Variants in CD34 observed in about 807,000 individuals in gnomAD.
The protein encoded by CD34 is CD34 molecule.
A neutral mutation model predicts 40.1 loss-of-function variants in CD34; 34 were observed. The observed-to-expected ratio is 0.85, with a 90% CI of 0.65 to 1.13. The LOEUF is 1.13. CD34 is among the 50% of genes most tolerant of loss of function. The pLI is 0.00. For missense variants in CD34, 426 were observed against 466.9 expected (o/e 0.91, Z 0.81); for synonymous variants, 209 against 190.0 (o/e 1.10, Z -0.82).
Position 207,888,718 on chromosome 1 carries a change from C to T in CD34, c.936G>A (p.Met312Ile), listed in dbSNP as rs777117210. Reference protein sequence around the residue: ...AVLGITGYFLMNRRSWSPTGE... With the variant: ...AVLGITGYFLINRRSWSPTGE... ...CTGTGGGGCTCCAGCTGCGGCGATT[C>T]ATCAGGAAATAGCCAGTGATGCCCA... is the stretch of plus-strand genomic sequence containing the variant. Residue 312 changes from methionine (M) to isoleucine (I), a missense_variant, in exon 7 of 8, where the codon ATG becomes ATA. Transcript: ENST00000310833. 9 of 1,614,232 alleles carry T rather than the reference C, an allele frequency of 5.6e-6. No homozygotes were observed. In the East Asian group the frequency reaches 1.8e-4, roughly 32 times the overall value.
At chr1:207,891,379 G>A (rs1311019620) in intron 4 of CD34, among the ~76,000 whole-genome samples, 1 of 152,112 alleles carries the variant, frequency 6.6e-6, no homozygotes, top group African/African-American at 2.4e-5. Context: ...TGCATGTACG[G>A]CAATTAAAAT....
At chr1:207,899,792 C>T in intron 2 of CD34, 29 bp downstream of exon 2, 1 of 1,590,338 alleles carries the variant, frequency 6.3e-7, no homozygotes, top group South Asian at 1.2e-5. Flanking sequence ...CAGCATCTCT[C>T]CGGGATCTGA....
At position 207,881,790 on chromosome 1, in the gene CD34, A is replaced by G. The variant is rs1182474958; in HGVS notation, c.*5948T>C. The stretch of plus-strand genomic sequence containing the variant: ...GTTTTGGAAAATATAATTATTTTTC[A>G]TTAAGAAAAGCATTACTTACATTAT... On this transcript the variant is annotated 3_prime_UTR_variant, in exon 8 of 8. Coordinates refer to ENST00000310833, the MANE Select transcript of CD34 (RefSeq NM_001025109.2). The G allele has an allele frequency of 6.6e-6, 1 of 152,034 alleles. No homozygotes were observed. The highest frequency in any genetic ancestry group is 1.5e-5 in the Non-Finnish European group (1 of 68,022). The allele number at this position is 152,034 out of a possible 1,614,324, so 9.4% of individuals were successfully genotyped here. A position where few individuals can be genotyped will look rare whatever the true frequency, so the allele number is the denominator to read the frequency against.
At chr1:207,904,462 C>T (rs1662338800) in intron 1 of CD34, among the ~76,000 whole-genome samples, 1 of 152,226 alleles carries the variant, frequency 6.6e-6, no homozygotes, top group South Asian at 2.1e-4. Flanking sequence ...AGACAGGCCA[C>T]ATTCAAAGGC....
Position 207,886,687 on chromosome 1 carries a change from A to T in CD34, c.*1051T>A, listed in dbSNP as rs1205404449. 2.0e-5 allele frequency: 3 copies of T among 152,756 alleles called. No homozygotes were observed. The highest frequency in any genetic ancestry group is 7.2e-5 in the African/African-American group (3 of 41,460). 9.5% of individuals were successfully genotyped at this position (152,756 alleles called of 1,614,324 possible). A position where few individuals can be genotyped will look rare whatever the true frequency, so the allele number is the denominator to read the frequency against. The stretch of plus-strand genomic sequence containing the variant: ...TGCTCAACCCCTCTGGAAAGAAATC[A>T]ACAGCAAACAAGGACCTGGGTCACC... On this transcript the variant is annotated 3_prime_UTR_variant, in exon 8 of 8. Transcript: ENST00000310833.
Position 207,889,881 on chromosome 1 carries a change from T to G in CD34, c.598-260A>C, listed in dbSNP as rs1319706623. 1.9e-6 allele frequency: 3 copies of G among 1,547,262 alleles called. No individual in the cohort carries two copies. In the South Asian group the frequency reaches 3.8e-5, roughly 19 times the overall value. ...TGTTAGAGAACAAACTTAAAAAAAT[T>G]GTCTCGTTGAAGCATTGCCCATGTA... On this transcript the variant is annotated intron_variant, in intron 4 of 7. Coordinates refer to ENST00000310833, the MANE Select transcript of CD34 (RefSeq NM_001025109.2).
intron 4 of CD34, chr1:207,890,572 TG>T (rs1662011855): frequency 6.6e-6 from 1 of 152,262 alleles, no homozygotes; most frequent in South Asian, 2.1e-4. Context: ...GAATGGAGCC[TG>T]GGTATTTTCC....
rs1025823728 is a variant in CD34, at chr1:207,881,126, A to C, written c.*6612T>G. 1 of 152,202 alleles carries C rather than the reference A, an allele frequency of 6.6e-6. No individual in the cohort carries two copies. Among genetic ancestry groups the C allele is most frequent in the Non-Finnish European group, 1.5e-5 (1 of 68,026 alleles). 9.4% of individuals were successfully genotyped at this position (152,202 alleles called of 1,614,324 possible). The stretch of plus-strand genomic sequence containing the variant: ...TTACAAGTGCTCAGCAGCCACATGT[A>C]CTTAGATGCTACTGAAATAGTAACA... On this transcript the variant is annotated 3_prime_UTR_variant, in exon 8 of 8. Coordinates refer to ENST00000310833, the MANE Select transcript of CD34 (RefSeq NM_001025109.2).
At chr1:207,906,350 C>A (rs1441415700) in intron 1 of CD34, among the ~76,000 whole-genome samples, 2 of 152,196 alleles carry the variant, frequency 1.3e-5, no homozygotes, top group Admixed American at 1.3e-4. Context: ...ATGCTTCCTG[C>A]AAACACTCAG....
Position 207,884,837 on chromosome 1 carries a change from C to G in CD34, c.*2901G>C, listed in dbSNP as rs1661867255. 1 of 152,180 alleles carries G rather than the reference C, an allele frequency of 6.6e-6. No homozygotes were observed. Among genetic ancestry groups the G allele is most frequent in the South Asian group, 2.1e-4 (1 of 4,828 alleles). 9.4% of individuals were successfully genotyped at this position (152,180 alleles called of 1,614,324 possible). On this transcript the variant is annotated 3_prime_UTR_variant, in exon 8 of 8. Transcript: ENST00000310833. ...TGGGGCTCCTCCAGGACCTGCTTGG[C>G]TGGCCAGGCCTAGGATAGCTTATGT...
At chr1:207,898,043 ATTTATTT>A in intron 3 of CD34, among the ~76,000 whole-genome samples, 1 of 149,576 alleles carries the variant, frequency 6.7e-6, no homozygotes, top group Non-Finnish European at 1.5e-5. Context: ...TTATTTATTT[ATTTATTT>A]ATTTATTTAT....
chr1:207,910,345 C>CCT (rs1308297654), intron 1 of CD34, among the ~76,000 whole-genome samples: 1 of 152,188 alleles, frequency 6.6e-6, no homozygotes, highest in African/African-American at 2.4e-5. Flanking sequence ...ACTTCTACCT[C>CCT]CTCCGCGGTG....
rs760246152 is a variant in CD34 at position 207,889,227 on chromosome 1, C to G, written c.755-14G>C. The G allele has an allele frequency of 6.2e-6, 10 of 1,614,008 alleles. No individual in the cohort carries two copies. In the Admixed American group the frequency reaches 1.5e-4, roughly 24 times the overall value. On this transcript the variant is annotated splice_polypyrimidine_tract_variant and intron_variant, in intron 5 of 7. Coordinates refer to ENST00000310833, the MANE Select transcript of CD34 (RefSeq NM_001025109.2). The stretch of plus-strand genomic sequence containing the variant: ...TGCTGGAAATTTCTAGAATTAGAAA[C>G]AAGGGTTGCTAAATCTAAAGAGAAA...
At chr1:207,901,382 G>A (rs1473881665) in intron 1 of CD34, among the ~76,000 whole-genome samples, 3 of 152,252 alleles carry the variant, frequency 2.0e-5, no homozygotes, top group Non-Finnish European at 4.4e-5. Flanking sequence ...ATCCTGCTAA[G>A]GGGAACTGCA....
chr1:207,893,854 C>T (rs1420674121), intron 4 of CD34, among the ~76,000 whole-genome samples: 1 of 152,144 alleles, frequency 6.6e-6, no homozygotes. Flanking sequence ...AAATGCAAAT[C>T]AAAACCACCA....
intron 1 of CD34, among the ~76,000 whole-genome samples, chr1:207,909,482 C>T (rs949010914): frequency 6.6e-6 from 1 of 151,944 alleles, no homozygotes; most frequent in African/African-American, 2.4e-5. Context: ...GATCTTGGCT[C>T]GCTGCAACCT....
In CD34 at chr1:207,888,839, A is replaced by G; in HGVS notation, c.815T>C (p.Ile272Thr). The part of the protein sequence containing the change: ...KHQSDLKKLG[I>T]LDFTEQDVAS... ...AACATCTTGCTCAGTGAAATCTAGG[A>G]TCCCCAGCTTGAAAAGAAGACAAAG... is the stretch of plus-strand genomic sequence containing the variant. The change falls in exon 7 of 8, where the codon ATC becomes ACC. Residue 272 changes from isoleucine to threonine, a missense_variant. Transcript: ENST00000310833. 6.2e-7 allele frequency: 1 copy of G among 1,614,036 alleles called. No homozygotes were observed. Among genetic ancestry groups the G allele is most frequent in the East Asian group, 2.2e-5 (1 of 44,872 alleles).
chr1:207,906,766 C>T lies in CD34; in HGVS notation c.79+4236G>A, dbSNP rs147814788. On this transcript the variant is annotated intron_variant, in intron 1 of 7. Coordinates refer to ENST00000310833, the MANE Select transcript of CD34 (RefSeq NM_001025109.2). Reference sequence around the variant, plus strand: ...GGCTGAGGAAGGAGAACTGCTTGAACCTGGGAGGCAGAGGTTGCGGTGATC... The same window carrying T: ...GGCTGAGGAAGGAGAACTGCTTGAATCTGGGAGGCAGAGGTTGCGGTGATC... Among the ~76,000 whole-genome samples, 256 of 152,196 alleles carry T rather than the reference C, an allele frequency of 1.7e-3. 2 individuals carry two copies. Among genetic ancestry groups the T allele is most frequent in the African/African-American group, 5.8e-3 (240 of 41,496 alleles).
chr1:207,893,627 G>A (rs1054646824), intron 4 of CD34, among the ~76,000 whole-genome samples: 2 of 152,122 alleles, frequency 1.3e-5, no homozygotes, highest in Admixed American at 6.5e-5. Context: ...CTGACCTTTA[G>A]TGCAAGCTGG....
Sources: gnomAD v4.1 joint callset for allele counts (sites outside exome capture counted in the v4.1 genomes callset) on GRCh38, gnomAD v4.1.1 for gene constraint, MANE v1.5 for transcripts, NCBI Gene and HGNC (gene_info 2026-07-23, HGNC 2026-07-21) for gene names.